The following THBS2 variants were observed in gnomAD, a reference collection of about 807,000 sequenced individuals.
The protein encoded by THBS2 is thrombospondin-2.
A neutral mutation model predicts 135.2 loss-of-function variants in THBS2; 47 were observed. That is an observed-to-expected ratio of 0.35 (90% confidence interval 0.28 to 0.44). THBS2 has a LOEUF of 0.44. THBS2 is among the 20% of genes least tolerant of loss of function. The pLI, the probability that THBS2 is intolerant of heterozygous loss-of-function variation, is 1.00. For synonymous variants in THBS2, 639 were observed against 633.8 expected (o/e 1.01, Z -0.12); for missense variants, 1,288 against 1,603.1 (o/e 0.80, Z 3.36).
Position 169,217,950 on chromosome 6 carries a change from AT to A in THBS2, c.3512-122del, listed in dbSNP as rs1418830864. 6.1e-5 allele frequency: 44 copies of A among 725,680 alleles called. 1 individual carries two copies. The highest frequency in any genetic ancestry group is 2.1e-4 in the East Asian group (7 of 32,562). 45.0% of individuals were successfully genotyped at this position (725,680 alleles called of 1,614,324 possible). A position where few individuals can be genotyped will look rare whatever the true frequency, so the allele number is the denominator to read the frequency against. On this transcript the variant is annotated intron_variant, in intron 21 of 21. Coordinates refer to ENST00000617924, the MANE Select transcript of THBS2 (RefSeq NM_003247.5). ...TTTAATTAAAGATGAGATCTATCATATGGATGGATGGATGGATGGATGAAAT... is the reference window on the plus strand; with the variant it reads ...TTTAATTAAAGATGAGATCTATCATAGGATGGATGGATGGATGGATGAAAT...
chr6:169,219,340 G>GGATAGA (rs1465278255), intron 21 of THBS2, among the ~76,000 whole-genome samples: 1 of 55,764 alleles, frequency 1.8e-5, no homozygotes. Flanking sequence ...GTGTGGGTGG[G>GGATAGA]TGGATGGATG....
chr6:169,237,750 T>G lies in THBS2; in HGVS notation c.1175A>C (p.Gln392Pro). 1 of 1,612,250 alleles carries G rather than the reference T, an allele frequency of 6.2e-7. No homozygotes were observed. The highest frequency in any genetic ancestry group is 8.5e-7 in the Non-Finnish European group (1 of 1,179,970). ...CCCAGAGCCACACGTCACGGAGCAC[T>G]GGGTCCACTCTGCCCACGGAGACCA... ...EGWSPWAEWTQCSVTCGSGTQ... is the reference protein window; with the variant it reads ...EGWSPWAEWTPCSVTCGSGTQ... Residue 392 changes from glutamine to proline, a missense_variant, in exon 8 of 22, where the codon CAG becomes CCG. Coordinates refer to ENST00000617924, the MANE Select transcript of THBS2 (RefSeq NM_003247.5).
chr6:169,238,832 G>T (rs1009137574), intron 7 of THBS2, among the ~76,000 whole-genome samples: 4 of 152,194 alleles, frequency 2.6e-5, no homozygotes, highest in African/African-American at 9.6e-5. Context: ...ATGTTTGGGG[G>T]ATGGTGACTA....
intron 2 of THBS2, 30 bp from the exon 3 acceptor site, chr6:169,249,003 G>A (rs1479620840): frequency 1.3e-6 from 2 of 1,567,668 alleles, no homozygotes; most frequent in East Asian, 4.5e-5. Context: ...GGAGAAGGGT[G>A]ACGTAGGGGA....
chr6:169,231,087 A>G (rs987257952), intron 13 of THBS2, among the ~76,000 whole-genome samples: 2 of 152,086 alleles, frequency 1.3e-5, no homozygotes, highest in Non-Finnish European at 2.9e-5. Flanking sequence ...TCCGCGTCCT[A>G]GTGTCTTGGC....
In THBS2 at chr6:169,226,317, G is replaced by A. The variant is rs1779627633; in HGVS notation, c.2420-19C>T. ...AAGACATCTGTAAGTGTTTAAAGGG[G>A]GAAGAAAACAAAAACAAACCAGAAG... On this transcript the variant is annotated intron_variant, in intron 15 of 21. Coordinates refer to ENST00000617924, the MANE Select transcript of THBS2 (RefSeq NM_003247.5). 3.8e-6 allele frequency: 6 copies of A among 1,590,010 alleles called. No individual in the cohort carries two copies. The highest frequency in any genetic ancestry group is 3.3e-4 in the Middle Eastern group (2 of 6,002).
intron 13 of THBS2, 151 bp from the exon 14 acceptor site, chr6:169,229,830 A>G: frequency 1.7e-6 from 1 of 595,538 alleles, no homozygotes; most frequent in Non-Finnish European, 2.9e-6. Flanking sequence ...AGGAGCCAGG[A>G]GGCCAGAAGC....
At chr6:169,236,665 T>G (rs1780097960) in intron 9 of THBS2, among the ~76,000 whole-genome samples, 1 of 106,872 alleles carries the variant, frequency 9.4e-6, no homozygotes, top group Admixed American at 1.0e-4. Flanking sequence ...CTCACTCCCA[T>G]CCACACTTAC....
rs778720030 is a variant in THBS2, at chr6:169,237,342, C to T, written c.1305G>A (p.Arg435=). The change falls in exon 9 of 22, where the codon CGG becomes CGA. Residue 435 remains arginine (R), a synonymous_variant. Transcript: ENST00000617924. ...ACCAGTGGCTCCAGCCGCCGTCCTGCCGGACTAACACAAGAAGCGGAGAGA... is the reference window on the plus strand; with the variant it reads ...ACCAGTGGCTCCAGCCGCCGTCCTGTCGGACTAACACAAGAAGCGGAGAGA... The part of the protein sequence containing the change: ...CSLSKCDTRI[R]QDGGWSHWSP... 6.2e-7 allele frequency: 1 copy of T among 1,613,188 alleles called. No individual in the cohort carries two copies. The highest frequency in any genetic ancestry group is 1.1e-5 in the South Asian group (1 of 91,088).
At chr6:169,227,272 T>C (rs1296486060) in intron 15 of THBS2, among the ~76,000 whole-genome samples, 2 of 152,136 alleles carry the variant, frequency 1.3e-5, no homozygotes, top group Non-Finnish European at 2.9e-5. Flanking sequence ...CCCCCAGCTC[T>C]TGCTGGTTCT....
At chr6:169,233,089 C>T in intron 10 of THBS2, 72 bp from the exon 11 acceptor site, 1 of 1,433,938 alleles carries the variant, frequency 7.0e-7, no homozygotes, top group African/African-American at 1.4e-5. Flanking sequence ...GCCCTGTGGG[C>T]CGTCAAACAC....
chr6:169,246,500 G>A (rs1442962718), intron 3 of THBS2, among the ~76,000 whole-genome samples: 1 of 152,200 alleles, frequency 6.6e-6, no homozygotes, highest in East Asian at 1.9e-4. Flanking sequence ...GAAGTGTAAT[G>A]TAAGAAATCT....
At chr6:169,250,284 T>C (rs187885002) in intron 2 of THBS2, among the ~76,000 whole-genome samples, 1 of 152,372 alleles carries the variant, frequency 6.6e-6, no homozygotes, top group East Asian at 1.9e-4. Flanking sequence ...TGTGTCATCA[T>C]TTATGCTAAT....
At chr6:169,233,680 A>T (rs1752014088) in intron 10 of THBS2, among the ~76,000 whole-genome samples, 1 of 146,870 alleles carries the variant, frequency 6.8e-6, no homozygotes, top group Non-Finnish European at 1.5e-5. Flanking sequence ...CCCAGGTGCC[A>T]CACCACACAA....
chr6:169,225,149 C>G lies in THBS2; in HGVS notation c.2769G>C (p.Leu923Phe), dbSNP rs188300247. Residue 923 changes from leucine to phenylalanine, a missense_variant, in exon 17 of 22, where the codon TTG (leucine) becomes TTC (phenylalanine). Leu to Phe is a conservative substitution (Grantham distance 22). Around this residue, in one of 2 missense-constraint regions of THBS2, gnomAD observed 874 missense variants for 1,156.1 expected, o/e 0.76. Transcript: ENST00000617924. ...RLVFNPDQEDLDGDGRGDICK... is the reference protein window; with the variant it reads ...RLVFNPDQEDFDGDGRGDICK... ...ATGAGCTGAGAGAGCACCCACCGTC[C>G]AAGTCCTCCTGGTCTGGGTTGAACA... The G allele has an allele frequency of 1.8e-5, 29 of 1,614,178 alleles. No individual in the cohort carries two copies. Among genetic ancestry groups the G allele is most frequent in the Non-Finnish European group, 2.4e-5 (28 of 1,180,012 alleles).
rs192844655 is a variant in THBS2 at position 169,244,088 on chromosome 6, A to G, written c.694+2109T>C. Among the ~76,000 whole-genome samples the G allele has an allele frequency of 9.9e-5, 15 of 151,780 alleles. No individual in the cohort carries two copies. The East Asian group carries it at 1.9e-3, about 20-fold the overall frequency. ...ACTAACTCATGGGTGATTGCCACATATGGTCCGGTAGATATATGTATATAG... is the reference window on the plus strand; with the variant it reads ...ACTAACTCATGGGTGATTGCCACATGTGGTCCGGTAGATATATGTATATAG... On this transcript the variant is annotated intron_variant, in intron 4 of 21. Transcript: ENST00000617924.
Position 169,231,921 on chromosome 6 carries a change from G to C in THBS2, c.2151+59C>G, listed in dbSNP as rs974826557. 7 of 1,585,244 alleles carry C rather than the reference G, an allele frequency of 4.4e-6. No individual in the cohort carries two copies. In the African/African-American group the frequency reaches 9.4e-5, roughly 21 times the overall value. On this transcript the variant is annotated intron_variant, in intron 13 of 21. Coordinates refer to ENST00000617924, the MANE Select transcript of THBS2 (RefSeq NM_003247.5). ...GCCCCCCGTCCGCGTAGCGTCCCCG[G>C]CGCCAGGAGGAGGGCTGACCGCCGT...
At position 169,241,257 on chromosome 6, in the gene THBS2, C is replaced by T. The variant is rs983108765; in HGVS notation, c.891+505G>A. 6.6e-6 allele frequency among the ~76,000 whole-genome samples: 1 copy of T among 152,176 alleles called. No homozygotes were observed. Among genetic ancestry groups the T allele is most frequent in the Non-Finnish European group, 1.5e-5 (1 of 68,034 alleles). On this transcript the variant is annotated intron_variant, in intron 5 of 21. Transcript: ENST00000617924. The surrounding 1 kb of genome is among the most constrained non-coding windows in gnomAD (Gnocchi z 5.5). ...TAAACTGCGAGCTGCCCGTCCTGAG[C>T]CCCGCAGGCATCGCTCTCTCTTCCT...
At chr6:169,235,510 C>T (rs928132354) in intron 9 of THBS2, among the ~76,000 whole-genome samples, 1 of 152,054 alleles carries the variant, frequency 6.6e-6, no homozygotes, top group Non-Finnish European at 1.5e-5. Context: ...ATGCACTTCC[C>T]GAGCCAGGCC....
Sources: allele counts gnomAD v4.1 joint callset (sites outside exome capture counted in the v4.1 genomes callset), GRCh38; gene constraint gnomAD v4.1.1; regional missense constraint gnomAD v4.1.1; non-coding constraint Gnocchi (gnomAD v3.1); transcripts MANE v1.5; gene names NCBI Gene and HGNC (gene_info 2026-07-23, HGNC 2026-07-21).